The following ARB2A variants were observed in gnomAD, a reference collection of about 807,000 sequenced individuals.
ARB2A encodes ARB2 cotranscriptional regulator A, also known as cotranscriptional regulator ARB2A.
chr5:93,976,320 A>G, the ARB2A span, among the ~76,000 whole-genome samples: 1 of 152,176 alleles, frequency 6.6e-6, no homozygotes, highest in Admixed American at 6.5e-5. Flanking sequence ...CATACCGTAC[A>G]GGCAAAAGTT....
the ARB2A span, among the ~76,000 whole-genome samples, chr5:93,911,628 C>CCACACACACACACACACACACACA: frequency 1.3e-5 from 2 of 148,672 alleles, no homozygotes; most frequent in Non-Finnish European, 3.0e-5. Context: ...GCATTAGTCA[C>CCACACACACACACACACACACACA]CACACACACA....
At chr5:93,639,988 C>A in the ARB2A span, among the ~76,000 whole-genome samples, 1 of 139,258 alleles carries the variant, frequency 7.2e-6, no homozygotes, top group African/African-American at 2.7e-5. Flanking sequence ...GAGGCAGAGA[C>A]GGAGGTTGCA....
the ARB2A span, among the ~76,000 whole-genome samples, chr5:93,864,744 T>A: frequency 6.6e-6 from 1 of 152,216 alleles, no homozygotes; most frequent in East Asian, 1.9e-4. Flanking sequence ...TTACTAATGA[T>A]ATATCACTAG....
the ARB2A span, among the ~76,000 whole-genome samples, chr5:93,990,014 T>C: frequency 6.6e-6 from 1 of 152,118 alleles, no homozygotes; most frequent in East Asian, 1.9e-4. Flanking sequence ...AGGAAACACA[T>C]TAAAGTTCAC....
chr5:93,903,570 T>C, the ARB2A span, among the ~76,000 whole-genome samples: 1 of 152,022 alleles, frequency 6.6e-6, no homozygotes, highest in Admixed American at 6.6e-5. Flanking sequence ...GTCAATAACA[T>C]TTCAGTTGTT....
the ARB2A span, chr5:93,863,204 A>C: frequency 3.3e-5 from 5 of 152,162 alleles, no homozygotes; most frequent in African/African-American, 1.2e-4. Flanking sequence ...CAAGGACAAA[A>C]ACTCCTCAGA....
At chr5:94,050,039 A>G in the ARB2A span, among the ~76,000 whole-genome samples, 2 of 152,060 alleles carry the variant, frequency 1.3e-5, no homozygotes, top group East Asian at 3.9e-4. Context: ...TCCTGGGCTC[A>G]AGTGATCCTG....
At chr5:94,015,432 T>C in the ARB2A span, among the ~76,000 whole-genome samples, 1 of 151,838 alleles carries the variant, frequency 6.6e-6, no homozygotes, top group Non-Finnish European at 1.5e-5. Context: ...AAAAAACAAC[T>C]AATGTGCAAA....
the ARB2A span, chr5:93,621,241 C>T: frequency 9.7e-6 from 9 of 929,538 alleles, no homozygotes; most frequent in Non-Finnish European, 1.2e-5. Flanking sequence ...CCGCCCCTCC[C>T]CGCCCCTCCC....
At chr5:93,627,297 T>G in the ARB2A span, among the ~76,000 whole-genome samples, 1 of 152,198 alleles carries the variant, frequency 6.6e-6, no homozygotes, top group African/African-American at 2.4e-5. Flanking sequence ...CTTATTGATA[T>G]TCTGACCTCC....
At chr5:93,672,318 C>G in the ARB2A span, among the ~76,000 whole-genome samples, 4 of 143,816 alleles carry the variant, frequency 2.8e-5, no homozygotes, top group African/African-American at 1.0e-4. Context: ...CACTAATGTT[C>G]TTTTTTTTTT....
At chr5:93,859,306 T>C in the ARB2A span, among the ~76,000 whole-genome samples, 4 of 152,000 alleles carry the variant, frequency 2.6e-5, no homozygotes, top group Non-Finnish European at 4.4e-5. Flanking sequence ...AGGGTCAGGA[T>C]AATTATCAAT....
chr5:93,830,351 A>ATATATATATC, the ARB2A span, among the ~76,000 whole-genome samples: 3 of 138,954 alleles, frequency 2.2e-5, no homozygotes, highest in South Asian at 2.3e-4. Flanking sequence ...ATATATATAT[A>ATATATATATC]TCCACACACA....
At chr5:93,757,307 G>A in the ARB2A span, among the ~76,000 whole-genome samples, 1 of 152,126 alleles carries the variant, frequency 6.6e-6, no homozygotes, top group African/African-American at 2.4e-5. Context: ...ACATATTTGG[G>A]GGAATAATCC....
At chr5:93,978,475 T>A in the ARB2A span, among the ~76,000 whole-genome samples, 6 of 152,166 alleles carry the variant, frequency 3.9e-5, no homozygotes, top group Non-Finnish European at 7.4e-5. Context: ...GCACCATGGA[T>A]GCAGCTGAAG....
chr5:93,740,641 A>G, the ARB2A span: 2 of 1,613,266 alleles, frequency 1.2e-6, no homozygotes, highest in South Asian at 2.2e-5. Flanking sequence ...TGCAGAGTAG[A>G]GACGTGTATA....
chr5:94,022,624 G>A, the ARB2A span, among the ~76,000 whole-genome samples: 3 of 152,186 alleles, frequency 2.0e-5, no homozygotes, highest in Non-Finnish European at 4.4e-5. Flanking sequence ...TTGGAAAGTT[G>A]AGTTACATTT....
the ARB2A span, among the ~76,000 whole-genome samples, chr5:93,947,610 C>T: frequency 6.7e-6 from 1 of 150,060 alleles, no homozygotes; most frequent in South Asian, 2.1e-4. Context: ...TGGTGTGCTG[C>T]ACCCATTAAC....
the ARB2A span, among the ~76,000 whole-genome samples, chr5:93,704,784 C>T: frequency 1.3e-5 from 2 of 152,208 alleles, no homozygotes; most frequent in Admixed American, 6.5e-5. Flanking sequence ...ACTGCTAGAA[C>T]CATCAGATCT....
Sources: gnomAD v4.1 joint callset for allele counts (sites outside exome capture counted in the v4.1 genomes callset) on GRCh38, gnomAD v4.1.1 for gene constraint, MANE v1.5 for transcripts, NCBI Gene and HGNC (gene_info 2026-07-23, HGNC 2026-07-21) for gene names.